CERK: variants seen among roughly 807,000 people sequenced by gnomAD.
The protein encoded by CERK is ceramide kinase.
Under a neutral mutation model 63.4 loss-of-function variants are expected in CERK, and 39 were observed. The observed-to-expected ratio is 0.61, with a 90% confidence interval of 0.48 to 0.80. The LOEUF is 0.80. Ranked by LOEUF, CERK falls within the 30% of genes least tolerant of loss-of-function variation. CERK has a pLI of 0.00. For missense variants in CERK, 670 were observed against 714.1 expected, an observed-to-expected ratio of 0.94 and a Z score of 0.70; for synonymous variants, 302 against 280.0, an observed-to-expected ratio of 1.08 and a Z score of -0.78.
In CERK at chr22:46,714,571, T is replaced by C. The variant is rs906408483; in HGVS notation, c.380-2278A>G. Reference sequence around the variant, plus strand: ...AATTTGTCAGAGATACCAGAAGAAATAGAAAATCTGAATAGTCTGACAGCT... The same window carrying C: ...AATTTGTCAGAGATACCAGAAGAAACAGAAAATCTGAATAGTCTGACAGCT... On this transcript the variant is annotated intron_variant, in intron 3 of 12. Transcript: ENST00000216264. The surrounding 1 kb of genome is among the most constrained non-coding windows in gnomAD (Gnocchi z 4.4). 2.0e-5 allele frequency among the ~76,000 whole-genome samples: 3 copies of C among 152,082 alleles called. No individual in the cohort carries two copies. The highest frequency in any genetic ancestry group is 2.9e-5 in the Non-Finnish European group (2 of 68,010).
rs370506634 is a variant in CERK, at chr22:46,691,788, A to G, written c.1127-11T>C. 51 of 1,603,490 alleles carry G rather than the reference A, an allele frequency of 3.2e-5. No homozygotes were observed. The highest frequency in any genetic ancestry group is 4.3e-5 in the Non-Finnish European group (51 of 1,172,536). On this transcript the variant is annotated splice_polypyrimidine_tract_variant and intron_variant, in intron 10 of 12. Transcript: ENST00000216264. Reference sequence around the variant, plus strand: ...ACTCCTCCACGTCCTCTGAAGCACAAAGAACCACGGAGATGTCACAGTTAC... The same window carrying G: ...ACTCCTCCACGTCCTCTGAAGCACAGAGAACCACGGAGATGTCACAGTTAC...
intron 3 of CERK, among the ~76,000 whole-genome samples, chr22:46,719,038 A>C (rs936794638): frequency 6.6e-6 from 1 of 152,078 alleles, no homozygotes; most frequent in African/African-American, 2.4e-5. Context: ...ACTGCACTCC[A>C]CCCCGGGTGA....
rs550960024 is a variant in CERK at position 46,713,378 on chromosome 22, G to A, written c.380-1085C>T. Among the ~76,000 whole-genome samples, 15 of 151,442 alleles carry A rather than the reference G, an allele frequency of 9.9e-5. No individual in the cohort carries two copies. In the East Asian group the frequency reaches 1.4e-3, roughly 14 times the overall value. On this transcript the variant is annotated intron_variant, in intron 3 of 12. Coordinates refer to ENST00000216264, the MANE Select transcript of CERK (RefSeq NM_022766.6). ...AAAAAAATTAGCCGGGCGTGGTGGCGGGCACCTGTAGTCCCAGCTACTTGG... is the reference window on the plus strand; with the variant it reads ...AAAAAAATTAGCCGGGCGTGGTGGCAGGCACCTGTAGTCCCAGCTACTTGG...
chr22:46,726,017 G>A (rs769448314), intron 1 of CERK, among the ~76,000 whole-genome samples: 19 of 152,234 alleles, frequency 1.2e-4, no homozygotes, highest in East Asian at 1.9e-4. Context: ...AGAAGTTCCC[G>A]GATTAAACTG....
chr22:46,691,948 G>A (rs767561071), intron 10 of CERK, among the ~76,000 whole-genome samples, 171 bp from the exon 11 acceptor site: 57 of 152,158 alleles, frequency 3.7e-4, no homozygotes, highest in South Asian at 2.1e-4. Flanking sequence ...GGAACTGTCC[G>A]CTCCCCGCAG....
chr22:46,737,694 C>A (rs946107895), intron 1 of CERK, among the ~76,000 whole-genome samples: 9 of 152,218 alleles, frequency 5.9e-5, no homozygotes, highest in Non-Finnish European at 1.0e-4. Flanking sequence ...AGGTGCCCTG[C>A]GGACAGACCG....
At chr22:46,722,227 T>G (rs1316405116) in intron 1 of CERK, among the ~76,000 whole-genome samples, 2 of 152,202 alleles carry the variant, frequency 1.3e-5, no homozygotes, top group Non-Finnish European at 2.9e-5. Context: ...GCTATAACAT[T>G]TGTGGTAATT....
intron 6 of CERK, among the ~76,000 whole-genome samples, chr22:46,701,978 C>T (rs572966867): frequency 3.3e-5 from 5 of 152,162 alleles, no homozygotes; most frequent in South Asian, 4.2e-4. Flanking sequence ...GTCAGGAGTT[C>T]GAGACCAGCC....
chr22:46,718,970 A>C (rs1300418449), intron 3 of CERK, among the ~76,000 whole-genome samples: 3 of 152,046 alleles, frequency 2.0e-5, no homozygotes, highest in African/African-American at 7.2e-5. Context: ...CAGGAGACTG[A>C]GGTGGGAAGA....
At chr22:46,689,204 C>T (rs777531311) in intron 12 of CERK, among the ~76,000 whole-genome samples, 1 of 152,232 alleles carries the variant, frequency 6.6e-6, no homozygotes, top group Non-Finnish European at 1.5e-5. Context: ...CTCTGGGGCT[C>T]CTCCTCTCCT....
At chr22:46,717,898 CG>C (rs1173366944) in intron 3 of CERK, among the ~76,000 whole-genome samples, 2 of 147,798 alleles carry the variant, frequency 1.4e-5, no homozygotes, top group Non-Finnish European at 3.0e-5. Context: ...CTGGCCAACA[CG>C]GCGAAACTCT....
At position 46,688,026 on chromosome 22, in the gene CERK, G is replaced by A. The variant is rs1049433774; in HGVS notation, c.1542-820C>T. Among the ~76,000 whole-genome samples, 93 of 152,148 alleles carry A rather than the reference G, an allele frequency of 6.1e-4. 1 individual carries two copies. Among genetic ancestry groups the A allele is most frequent in the South Asian group, 2.1e-4 (1 of 4,818 alleles). On this transcript the variant is annotated intron_variant, in intron 12 of 12. Coordinates refer to ENST00000216264, the MANE Select transcript of CERK (RefSeq NM_022766.6). ...AGCCTGGCCAACATGGTGAAACCCC[G>A]TCTCTACTAAAAATATAAAAATTAG...
rs115512489 is a variant in CERK at position 46,702,960 on chromosome 22, G to A, written c.716-1250C>T. ...CCAGCACTGCCGCCACCCGAGTAAC[G>A]ACCAACCACATGCTCCCGTTCACGC... On this transcript the variant is annotated intron_variant, in intron 6 of 12. Transcript: ENST00000216264. 9.4e-3 allele frequency among the ~76,000 whole-genome samples: 1,429 copies of A among 152,200 alleles called. 30 individuals are homozygous for A. The highest frequency in any genetic ancestry group is 0.032 in the African/African-American group (1,335 of 41,522).
At chr22:46,734,069 T>TAC (rs747852900) in intron 1 of CERK, among the ~76,000 whole-genome samples, 16 of 47,780 alleles carry the variant, frequency 3.3e-4, no homozygotes, top group Admixed American at 4.5e-4. Context: ...CATACATACA[T>TAC]ATATATATAT....
At chr22:46,702,767 T>C (rs2082793840) in intron 6 of CERK, among the ~76,000 whole-genome samples, 1 of 152,222 alleles carries the variant, frequency 6.6e-6, no homozygotes, top group Non-Finnish European at 1.5e-5. Context: ...CTGGCTCAGA[T>C]GAAAGGGAAG....
At chr22:46,726,906 G>A (rs1043158190) in intron 1 of CERK, among the ~76,000 whole-genome samples, 2 of 152,214 alleles carry the variant, frequency 1.3e-5, no homozygotes, top group African/African-American at 4.8e-5. Flanking sequence ...ACGCGACTGC[G>A]TGTCCCCAGC....
chr22:46,695,577 C>A (rs2082752144), intron 8 of CERK, among the ~76,000 whole-genome samples: 1 of 152,248 alleles, frequency 6.6e-6, no homozygotes, highest in African/African-American at 2.4e-5. Flanking sequence ...AGGGCTATGG[C>A]CACTCTTGAC....
intron 7 of CERK, among the ~76,000 whole-genome samples, chr22:46,700,071 A>AAGAG (rs2082776048): frequency 6.6e-6 from 1 of 151,176 alleles, no homozygotes; most frequent in Admixed American, 6.6e-5. Context: ...CCTGGGCCAC[A>AAGAG]CACAGAGTGA....
intron 1 of CERK, among the ~76,000 whole-genome samples, chr22:46,737,180 C>G (rs9615408): frequency 6.6e-6 from 1 of 151,824 alleles, no homozygotes; most frequent in Non-Finnish European, 1.5e-5. Context: ...GTAATCCCAG[C>G]TACTCCGAGG....
Sources: allele counts gnomAD v4.1 joint callset (sites outside exome capture counted in the v4.1 genomes callset), GRCh38; gene constraint gnomAD v4.1.1; non-coding constraint Gnocchi (gnomAD v3.1); transcripts MANE v1.5; gene names NCBI Gene and HGNC (gene_info 2026-07-23, HGNC 2026-07-21).